The following ADD1 variants were observed in gnomAD, a reference collection of about 807,000 sequenced individuals.
ADD1 encodes alpha-adducin.
Under a neutral mutation model 80.5 loss-of-function variants are expected in ADD1, and 24 were observed. The observed-to-expected ratio is 0.30, with a 90% CI of 0.22 to 0.42. The LOEUF is 0.42. Ranked by LOEUF, ADD1 falls within the 10% of genes least tolerant of loss-of-function variation. ADD1 has a pLI of 1.00. For missense variants in ADD1, 948 were observed against 1,019.0 expected, an observed-to-expected ratio of 0.93 and a Z score of 0.95; for synonymous variants, 373 against 393.8, an observed-to-expected ratio of 0.95 and a Z score of 0.63.
intron 1 of ADD1, among the ~76,000 whole-genome samples, chr4:2,856,049 CT>C (rs1399712834): frequency 0.01 from 345 of 33,632 alleles, 1 homozygote; most frequent in South Asian, 0.026. Context: ...CACACAAGTT[CT>C]TTTTTAAAAA....
intron 1 of ADD1, among the ~76,000 whole-genome samples, chr4:2,854,331 C>A (rs185167399): frequency 3.3e-5 from 5 of 152,136 alleles, no homozygotes; most frequent in Admixed American, 1.3e-4. Flanking sequence ...CTTAAGAAAG[C>A]AAGCAAGCAA....
intron 2 of ADD1, 85 bp from the exon 3 acceptor site, chr4:2,881,813 T>G: frequency 8.2e-7 from 1 of 1,221,526 alleles, no homozygotes; most frequent in Non-Finnish European, 1.1e-6. Context: ...AAAACAAAAA[T>G]TGGTCTATGT....
chr4:2,927,556 G>C (rs986443987), intron 15 of ADD1, among the ~76,000 whole-genome samples: 1 of 152,246 alleles, frequency 6.6e-6, no homozygotes, highest in Non-Finnish European at 1.5e-5. Context: ...TGTGTCCTCA[G>C]GGCCGCTGTG....
chr4:2,863,222 T>A (rs1729066502), intron 1 of ADD1, among the ~76,000 whole-genome samples: 1 of 140,946 alleles, frequency 7.1e-6, no homozygotes, highest in South Asian at 2.1e-4. Context: ...ATTTTTAATT[T>A]TTTTTTTTTT....
At chr4:2,899,846 C>A in intron 9 of ADD1, 1 of 326,776 alleles carries the variant, frequency 3.1e-6, no homozygotes, top group South Asian at 2.5e-5. Context: ...TGACTGTGTT[C>A]CATGGGTATC....
intron 1 of ADD1, among the ~76,000 whole-genome samples, chr4:2,865,460 G>A (rs904102828): frequency 6.6e-6 from 1 of 152,146 alleles, no homozygotes; most frequent in Non-Finnish European, 1.5e-5. Context: ...GAATAAATAC[G>A]TTTTTCTCAG....
At chr4:2,875,762 G>A (rs1731181508) in intron 1 of ADD1, 134 bp from the exon 2 acceptor site, 4 of 691,858 alleles carry the variant, frequency 5.8e-6, no homozygotes, top group Non-Finnish European at 9.2e-6. Flanking sequence ...AGCCTCACAG[G>A]TCATGGTTTC....
chr4:2,852,296 C>CTTTTCTTTT (rs1727382216), intron 1 of ADD1, among the ~76,000 whole-genome samples: 1 of 93,480 alleles, frequency 1.1e-5, no homozygotes, highest in Non-Finnish European at 2.3e-5. Context: ...CTTTTCTTTT[C>CTTTTCTTTT]TTTTCTTTTC....
intron 9 of ADD1, chr4:2,899,748 C>T: frequency 2.5e-6 from 1 of 403,742 alleles, no homozygotes; most frequent in Non-Finnish European, 4.7e-6. Flanking sequence ...ATCCCACAAG[C>T]AAGCGAGAGA....
rs955379717 is a variant in ADD1 at position 2,926,792 on chromosome 4, C to T, written c.2047+680C>T. 1.1e-5 allele frequency: 14 copies of T among 1,244,878 alleles called. No individual in the cohort carries two copies. The highest frequency in any genetic ancestry group is 1.6e-5 in the Non-Finnish European group (14 of 889,076). The allele number at this position is 1,244,878 out of a possible 1,614,324, so 77.1% of individuals were successfully genotyped here. A position where few individuals can be genotyped will look rare whatever the true frequency, so the allele number is the denominator to read the frequency against. ...TTTATTTAAAATAAAAACAGAAGCC[C>T]CCCTTTTTTGTACCCAGTCCCTTGG... is the stretch of plus-strand genomic sequence containing the variant. On this transcript the variant is annotated intron_variant, in intron 15 of 15. Transcript: ENST00000683351. The surrounding 1 kb of genome is among the most constrained non-coding windows in gnomAD (Gnocchi z 5.0).
chr4:2,903,406 G>A (rs1291995276), intron 9 of ADD1, among the ~76,000 whole-genome samples: 1 of 152,150 alleles, frequency 6.6e-6, no homozygotes, highest in Admixed American at 6.5e-5. Flanking sequence ...GCTTCTGTGG[G>A]GCAGGAGTCC....
intron 2 of ADD1, among the ~76,000 whole-genome samples, chr4:2,877,689 C>A (rs1476618052): frequency 6.6e-6 from 1 of 151,982 alleles, no homozygotes; most frequent in Admixed American, 6.6e-5. Context: ...AAGAGGGGGC[C>A]GGGTGTGGGT....
chr4:2,903,032 A>C (rs1736438814), intron 9 of ADD1: 1 of 152,100 alleles, frequency 6.6e-6, no homozygotes, highest in African/African-American at 2.4e-5. Context: ...TCTCAAAAAA[A>C]AAAAATTAAA....
At chr4:2,912,259 C>T (rs1387866984) in intron 13 of ADD1, among the ~76,000 whole-genome samples, 1 of 152,200 alleles carries the variant, frequency 6.6e-6, no homozygotes, top group Non-Finnish European at 1.5e-5. Context: ...CTGGGTTGTC[C>T]ATGAGTGGCG....
rs747885545 is a variant in ADD1, at chr4:2,928,487, C to G, written c.2364C>G (p.Ser788=). Residue 788 remains serine, a synonymous_variant, in exon 16 of 16, where the codon TCC becomes TCG. Transcript: ENST00000683351. ...SKKKKKFRTP[S]FLKKSKKKSD... ...AGAAGAAGAAGTTCCGTACCCCGTC[C>G]TTTCTGAAGAAGAGCAAGAAGAAGA... 1.2e-6 allele frequency: 2 copies of G among 1,613,726 alleles called. No individual in the cohort carries two copies. Among genetic ancestry groups the G allele is most frequent in the Non-Finnish European group, 1.7e-6 (2 of 1,179,988 alleles).
chr4:2,848,988 T>C, intron 1 of ADD1, among the ~76,000 whole-genome samples: 1 of 152,230 alleles, frequency 6.6e-6, no homozygotes, highest in East Asian at 1.9e-4. Flanking sequence ...ACCTATGAAG[T>C]ATATCTATAG....
chr4:2,872,272 A>G (rs886456909), intron 1 of ADD1, among the ~76,000 whole-genome samples: 1 of 152,230 alleles, frequency 6.6e-6, no homozygotes, highest in Non-Finnish European at 1.5e-5. Flanking sequence ...TTAGCTATCA[A>G]TATATTGTTG....
rs1266555527 is a variant in ADD1, at chr4:2,912,167, GT to G, written c.1792-2713del. 2.0e-5 allele frequency among the ~76,000 whole-genome samples: 3 copies of G among 152,398 alleles called. No individual in the cohort carries two copies. In the East Asian group the frequency reaches 5.8e-4, roughly 29 times the overall value. On this transcript the variant is annotated intron_variant, in intron 13 of 15. Coordinates refer to ENST00000683351, the MANE Select transcript of ADD1 (RefSeq NM_001354761.2). Reference sequence around the variant, plus strand: ...AAGTATGGAAAGTTACTGGGCCTGTGTTTTGCTTTAGAGGCTTGTCAAGTGA... The same window carrying G: ...AAGTATGGAAAGTTACTGGGCCTGTGTTTGCTTTAGAGGCTTGTCAAGTGA...
chr4:2,882,532 T>C (rs1461343807), intron 3 of ADD1, among the ~76,000 whole-genome samples: 1 of 152,210 alleles, frequency 6.6e-6, no homozygotes, highest in East Asian at 1.9e-4. Flanking sequence ...GCCATGGCAA[T>C]TGAGTTTGCA....
Sources: gnomAD v4.1 joint callset for allele counts (sites outside exome capture counted in the v4.1 genomes callset) on GRCh38, gnomAD v4.1.1 for gene constraint, Gnocchi (gnomAD v3.1) non-coding constraint, MANE v1.5 for transcripts, NCBI Gene and HGNC (gene_info 2026-07-23, HGNC 2026-07-21) for gene names.